Variants in PDCD11 observed in about 807,000 individuals in gnomAD.
PDCD11 encodes protein RRP5 homolog.
Under a neutral mutation model 198.9 loss-of-function variants are expected in PDCD11, and 97 were observed. That is an observed-to-expected ratio of 0.49 (90% CI 0.41 to 0.58). PDCD11 has a LOEUF of 0.58. Among genes scored for constraint, PDCD11 ranks in the 20% least tolerant of loss-of-function variants. PDCD11 has a pLI of 0.00. For synonymous variants in PDCD11, 893 were observed against 918.0 expected, an observed-to-expected ratio of 0.97 and a Z score of 0.49; for missense variants, 2,102 against 2,312.7, an observed-to-expected ratio of 0.91 and a Z score of 1.87.
In PDCD11 at chr10:103,438,890, C is replaced by T. The variant is rs563222050; in HGVS notation, c.4025+82C>T. The stretch of plus-strand genomic sequence containing the variant: ...TCTGGGGTCCACTGTGTTCCTCGGT[C>T]AACTTCTTTGATGGGAATATGAAGG... On this transcript the variant is annotated intron_variant, in intron 27 of 35. Transcript: ENST00000369797. 3.4e-6 allele frequency: 5 copies of T among 1,461,046 alleles called. No individual in the cohort carries two copies. The South Asian group carries it at 5.9e-5, about 17-fold the overall frequency. The allele number at this position is 1,461,046 out of a possible 1,614,324, so 90.5% of individuals were successfully genotyped here. A position where few individuals can be genotyped will look rare whatever the true frequency, so the allele number is the denominator to read the frequency against.
intron 8 of PDCD11, among the ~76,000 whole-genome samples, chr10:103,411,355 T>A (rs2030793931): frequency 6.6e-6 from 1 of 152,184 alleles, no homozygotes; most frequent in Non-Finnish European, 1.5e-5. Flanking sequence ...ATGTGTGCTA[T>A]AGATAATTTA....
At chr10:103,431,171 G>T (rs1011172653) in intron 21 of PDCD11, among the ~76,000 whole-genome samples, 1 of 152,086 alleles carries the variant, frequency 6.6e-6, no homozygotes, top group Admixed American at 6.6e-5. Flanking sequence ...GTACCAGTTT[G>T]GTTCATTTGG....
At position 103,413,361 on chromosome 10, in the gene PDCD11, T is replaced by C. The variant is rs1199237941; in HGVS notation, c.1185+39T>C. The C allele has an allele frequency of 2.0e-6, 3 of 1,536,676 alleles. No homozygotes were observed. The African/African-American group carries it at 4.1e-5, about 21-fold the overall frequency. On this transcript the variant is annotated intron_variant, in intron 9 of 35. Coordinates refer to ENST00000369797, the MANE Select transcript of PDCD11 (RefSeq NM_014976.2). ...TTTGTTTGGTCAGGGATCTTATCAC[T>C]GGAAGGACTTCTGGAGCACAGGGGG...
At chr10:103,406,144 A>C in intron 6 of PDCD11, 36 bp downstream of exon 6, 1 of 1,607,382 alleles carries the variant, frequency 6.2e-7, no homozygotes, top group Non-Finnish European at 8.5e-7. Flanking sequence ...CATGGTGGTG[A>C]GGTGGTACAT....
intron 20 of PDCD11, among the ~76,000 whole-genome samples, 186 bp downstream of exon 20, chr10:103,425,711 A>C (rs955739296): frequency 1.3e-5 from 2 of 151,590 alleles, no homozygotes; most frequent in Non-Finnish European, 2.9e-5. Flanking sequence ...ACGGAGTCTC[A>C]CTCTGTTGCC....
intron 8 of PDCD11, 21 bp downstream of exon 8, chr10:103,409,827 AT>A: frequency 6.4e-7 from 1 of 1,559,186 alleles, no homozygotes; most frequent in South Asian, 1.1e-5. Context: ...TTGAGCCTAT[AT>A]TTTCTTGATT....
chr10:103,416,963 A>T (rs775066070), intron 13 of PDCD11, among the ~76,000 whole-genome samples: 1 of 152,238 alleles, frequency 6.6e-6, no homozygotes, highest in African/African-American at 2.4e-5. Context: ...TCAGGCACGC[A>T]TGGAAGAGGT....
rs1479553052 is a variant in PDCD11, at chr10:103,441,923, C to G, written c.4655C>G (p.Pro1552Arg). The change falls in exon 31 of 36, where the codon CCT becomes CGT. Residue 1552 changes from proline to arginine, a missense_variant. Transcript: ENST00000369797. Reference protein sequence around the residue: ...GLDSLTPALPPLAESSDSEED... With the variant: ...GLDSLTPALPRLAESSDSEED... ...GACTCTCTGACCCCGGCCTTGCCAC[C>G]TCTAGCAGAGAGCTCAGACAGCGAG... 6.2e-7 allele frequency: 1 copy of G among 1,614,130 alleles called. No individual in the cohort carries two copies. The highest frequency in any genetic ancestry group is 2.2e-5 in the East Asian group (1 of 44,894).
At chr10:103,415,271 G>C in intron 12 of PDCD11, 120 bp downstream of exon 12, 1 of 976,898 alleles carries the variant, frequency 1.0e-6, no homozygotes, top group Admixed American at 2.3e-5. Flanking sequence ...GTCTTGTGCT[G>C]TACCTGGCAT....
rs368710653 is a variant in PDCD11 at position 103,440,866 on chromosome 10, C to T, written c.4557+16C>T. 9 of 1,565,368 alleles carry T rather than the reference C, an allele frequency of 5.7e-6. No individual in the cohort carries two copies. Among genetic ancestry groups the T allele is most frequent in the Non-Finnish European group, 7.0e-6 (8 of 1,143,800 alleles). On this transcript the variant is annotated intron_variant, in intron 30 of 35. Transcript: ENST00000369797. The stretch of plus-strand genomic sequence containing the variant: ...GCTGCCCAAGGTGAGGGTGACGTCG[C>T]GGGGAGGGGAAGGCTGCTCCAGGCA...
At chr10:103,397,397 C>T (rs150364110) in intron 1 of PDCD11, among the ~76,000 whole-genome samples, 14 of 152,220 alleles carry the variant, frequency 9.2e-5, no homozygotes, top group South Asian at 2.1e-4. Context: ...AAGCAAACTA[C>T]CCATATCTAA....
chr10:103,425,250 T>G lies in PDCD11; in HGVS notation c.3030T>G (p.Ser1010=). ...CCATGAGGCCGACCCAGAAGGACTC[T>G]GAGACAGTTGATGAGGATGAAGAAG... is the stretch of plus-strand genomic sequence containing the variant. ...KRTMRPTQKD[S]ETVDEDEEVD... Residue 1010 remains serine, a synonymous_variant, in exon 20 of 36, where the codon TCT becomes TCG. Transcript: ENST00000369797. 6.2e-7 allele frequency: 1 copy of G among 1,614,114 alleles called. No individual in the cohort carries two copies. Among genetic ancestry groups the G allele is most frequent in the Middle Eastern group, 1.6e-4 (1 of 6,062 alleles).
At chr10:103,445,069 C>T (rs1333327802) in intron 35 of PDCD11, among the ~76,000 whole-genome samples, 1 of 152,200 alleles carries the variant, frequency 6.6e-6, no homozygotes, top group African/African-American at 2.4e-5. Context: ...AAGCCCTTCA[C>T]TATGTATGTT....
At position 103,403,300 on chromosome 10, in the gene PDCD11, A is replaced by G; in HGVS notation, c.402+15A>G. 6.2e-7 allele frequency: 1 copy of G among 1,603,846 alleles called. No individual in the cohort carries two copies. The highest frequency in any genetic ancestry group is 8.5e-7 in the Non-Finnish European group (1 of 1,175,380). On this transcript the variant is annotated intron_variant, in intron 4 of 35. Coordinates refer to ENST00000369797, the MANE Select transcript of PDCD11 (RefSeq NM_014976.2). ...AACCTCTGAAGGTAAGGGAAATCCG[A>G]ATGAAGCCTGTTATTGAAAATAAGT...
chr10:103,400,340 A>G (rs2029941229), intron 2 of PDCD11, 57 bp from the exon 3 acceptor site: 2 of 1,566,584 alleles, frequency 1.3e-6, no homozygotes, highest in Middle Eastern at 1.8e-4. Context: ...AGGAGGGAAA[A>G]CTCAGATTGC....
In PDCD11 at chr10:103,417,741, C is replaced by T. The variant is rs538291062; in HGVS notation, c.1771-51C>T. On this transcript the variant is annotated intron_variant, in intron 13 of 35. Transcript: ENST00000369797. ...AGTAGTGGAGGGCACGTTGCAGGGCCTGCAAGGCTTGCTGGGAGGAGTTGG... is the reference window on the plus strand; with the variant it reads ...AGTAGTGGAGGGCACGTTGCAGGGCTTGCAAGGCTTGCTGGGAGGAGTTGG... 9 of 1,599,556 alleles carry T rather than the reference C, an allele frequency of 5.6e-6. No individual in the cohort carries two copies. In the African/African-American group the frequency reaches 6.7e-5, roughly 12 times the overall value.
chr10:103,414,161 G>T, intron 10 of PDCD11, 71 bp downstream of exon 10: 1 of 1,583,668 alleles, frequency 6.3e-7, no homozygotes. Context: ...ATTTCTCCTG[G>T]CTGTGCTTGG....
At chr10:103,417,746 A>G (rs578038461) in intron 13 of PDCD11, 46 bp from the exon 14 acceptor site, 6 of 1,601,544 alleles carry the variant, frequency 3.7e-6, no homozygotes, top group Non-Finnish European at 5.1e-6. Flanking sequence ...AGGGCCTGCA[A>G]GGCTTGCTGG....
Position 103,425,198 on chromosome 10 carries a change from C to A in PDCD11, c.2978C>A (p.Ala993Asp). 6.2e-7 allele frequency: 1 copy of A among 1,614,138 alleles called. No individual in the cohort carries two copies. Among genetic ancestry groups the A allele is most frequent in the Non-Finnish European group, 8.5e-7 (1 of 1,180,038 alleles). Residue 993 changes from alanine to aspartate, a missense_variant, in exon 20 of 36, where the codon GCT becomes GAT. Physicochemically the swap from Ala to Asp is moderately radical, Grantham distance 126. Coordinates refer to ENST00000369797, the MANE Select transcript of PDCD11 (RefSeq NM_014976.2). ...TEPGVTGLLL[A>D]VEGPAAKRTM... ...CCAGGAGTGACTGGCCTTCTTTTGG[C>A]TGTGGAGGGGCCGGCTGCCAAGAGG...
Sources: allele counts gnomAD v4.1 joint callset (sites outside exome capture counted in the v4.1 genomes callset), GRCh38; gene constraint gnomAD v4.1.1; transcripts MANE v1.5; gene names NCBI Gene and HGNC (gene_info 2026-07-23, HGNC 2026-07-21).